DAB1: variants seen among roughly 807,000 people sequenced by gnomAD.
DAB1 encodes disabled homolog 1.
A neutral mutation model predicts 64.6 loss-of-function variants in DAB1; 15 were observed. That is an observed-to-expected ratio of 0.23 (90% CI 0.16 to 0.36). The LOEUF (loss-of-function observed/expected upper bound fraction) is 0.36. DAB1 is among the 10% of genes least tolerant of loss of function. DAB1 has a pLI of 1.00. For missense variants in DAB1, 596 were observed against 706.7 expected (o/e 0.84, Z 1.78); for synonymous variants, 235 against 251.9 (o/e 0.93, Z 0.64).
chr1:57,822,845 A>C (rs1337148352), downstream of DAB1, among the ~76,000 whole-genome samples: 1 of 152,242 alleles, frequency 6.6e-6, no homozygotes, highest in East Asian at 1.9e-4. Flanking sequence ...TTATTAAAAA[A>C]TTAGTGAGAT....
intron 3 of DAB1, among the ~76,000 whole-genome samples, chr1:58,408,850 G>T (rs1448342983): frequency 3.3e-5 from 5 of 152,070 alleles, no homozygotes; most frequent in African/African-American, 9.7e-5. Flanking sequence ...AGGTGATGTG[G>T]GTCCCTGGGA....
intron 1 of DAB1, among the ~76,000 whole-genome samples, chr1:57,332,423 T>C (rs1269884315): frequency 3.9e-5 from 6 of 152,228 alleles, no homozygotes; most frequent in Admixed American, 2.0e-4. Context: ...CTGTTACCTT[T>C]CTAGTTTTCT....
intron 1 of DAB1, among the ~76,000 whole-genome samples, chr1:57,382,324 C>T (rs1046768640): frequency 6.6e-6 from 1 of 152,176 alleles, no homozygotes; most frequent in Non-Finnish European, 1.5e-5. Flanking sequence ...TCAGTTTCCT[C>T]TTAATGAGGA....
chr1:57,125,299 T>C (rs1657038088), intron 4 of DAB1, among the ~76,000 whole-genome samples: 1 of 152,144 alleles, frequency 6.6e-6, no homozygotes, highest in Non-Finnish European at 1.5e-5. Flanking sequence ...ACAGGATAAA[T>C]GAAAGAGGTG....
chr1:57,384,416 C>T (rs1397006198), intron 1 of DAB1, among the ~76,000 whole-genome samples: 1 of 152,138 alleles, frequency 6.6e-6, no homozygotes, highest in African/African-American at 2.4e-5. Context: ...AATATACATC[C>T]AAAAGAACTG....
chr1:58,033,278 TCTCAAG>T (rs2100485714), intron 5 of DAB1, among the ~76,000 whole-genome samples: 1 of 152,224 alleles, frequency 6.6e-6, no homozygotes, highest in Non-Finnish European at 1.5e-5. Flanking sequence ...GATCCTTCTG[TCTCAAG>T]AAGCCCCTCA....
chr1:57,991,551 T>A (rs1402719913), intron 5 of DAB1, among the ~76,000 whole-genome samples: 1 of 151,856 alleles, frequency 6.6e-6, no homozygotes, highest in African/African-American at 2.4e-5. Flanking sequence ...AGGAGAGGCA[T>A]AGGAGCAAGC....
At chr1:58,054,681 T>TA (rs1647936530) in intron 5 of DAB1, among the ~76,000 whole-genome samples, 1 of 152,250 alleles carries the variant, frequency 6.6e-6, no homozygotes, top group African/African-American at 2.4e-5. Context: ...CAGATGATAG[T>TA]AAAAAGCACA....
chr1:58,016,838 C>T (rs1294058951), intron 5 of DAB1, among the ~76,000 whole-genome samples: 5 of 152,178 alleles, frequency 3.3e-5, no homozygotes, highest in Non-Finnish European at 5.9e-5. Flanking sequence ...CCACCCTCTC[C>T]AAGCTTAAGA....
chr1:58,539,430 C>T, intron 1 of DAB1: 1 of 617,442 alleles, frequency 1.6e-6, no homozygotes, highest in Non-Finnish European at 2.8e-6. Flanking sequence ...GCTAAATTAC[C>T]TTGGGTTTCA....
chr1:57,917,853 T>G (rs1015754970), intron 5 of DAB1, among the ~76,000 whole-genome samples: 4 of 152,096 alleles, frequency 2.6e-5, no homozygotes, highest in Non-Finnish European at 5.9e-5. Context: ...CACCAGTAAA[T>G]AGACAGTCTC....
At chr1:57,019,788 A>G (rs1646554743) in intron 11 of DAB1, among the ~76,000 whole-genome samples, 1 of 152,128 alleles carries the variant, frequency 6.6e-6, no homozygotes, top group African/African-American at 2.4e-5. Flanking sequence ...GCAATCATAA[A>G]TCTCCTTGCT....
intron 5 of DAB1, among the ~76,000 whole-genome samples, chr1:58,105,549 C>G (rs1195125274): frequency 1.3e-5 from 2 of 152,154 alleles, no homozygotes; most frequent in Non-Finnish European, 2.9e-5. Context: ...ACTATCGATG[C>G]AAACATGAGG....
intron 7 of DAB1, among the ~76,000 whole-genome samples, chr1:57,605,360 C>A (rs549264890): frequency 6.6e-4 from 101 of 152,264 alleles, no homozygotes; most frequent in African/African-American, 2.3e-3. Flanking sequence ...AAATGCAAAT[C>A]ATGTTGAGAG....
chr1:58,287,134 C>A (rs1262254250), intron 4 of DAB1, among the ~76,000 whole-genome samples: 3 of 152,170 alleles, frequency 2.0e-5, no homozygotes, highest in African/African-American at 7.2e-5. Context: ...TACATAGACA[C>A]AGGGAGGGAA....
chr1:57,098,146 G>C (rs899391882), intron 4 of DAB1, among the ~76,000 whole-genome samples: 1 of 152,082 alleles, frequency 6.6e-6, no homozygotes, highest in Non-Finnish European at 1.5e-5. Flanking sequence ...CCAACCTAAG[G>C]TGGGAAAAAA....
intron 6 of DAB1, among the ~76,000 whole-genome samples, chr1:57,731,460 T>C (rs1647412094): frequency 3.3e-5 from 5 of 151,952 alleles, no homozygotes; most frequent in Admixed American, 3.3e-4. Flanking sequence ...ATCAAAATGT[T>C]GTTTTATGCT....
intron 2 of DAB1, among the ~76,000 whole-genome samples, chr1:57,218,515 T>TAAAAAAAA (rs776398255): frequency 3.6e-4 from 26 of 71,438 alleles, no homozygotes; most frequent in Non-Finnish European, 4.0e-4. Flanking sequence ...CCCCCATCTC[T>TAAAAAAAA]AAAAAAAAAA....
At chr1:57,665,026 C>A (rs999640127) in intron 6 of DAB1, among the ~76,000 whole-genome samples, 43 of 151,968 alleles carry the variant, frequency 2.8e-4, no homozygotes, top group African/African-American at 8.9e-4. Context: ...AGGATACTAA[C>A]CTTCTAAAAT....
Sources: allele counts gnomAD v4.1 joint callset (sites outside exome capture counted in the v4.1 genomes callset), GRCh38; gene constraint gnomAD v4.1.1; transcripts MANE v1.5; gene names NCBI Gene and HGNC (gene_info 2026-07-23, HGNC 2026-07-21).